RASL12: variants seen among roughly 807,000 people sequenced by gnomAD.
The protein encoded by RASL12 is ras-like protein family member 12.
A neutral mutation model predicts 22.9 loss-of-function variants in RASL12; 16 were observed. That is an observed-to-expected ratio of 0.70 (90% CI 0.47 to 1.06). The LOEUF (loss-of-function observed/expected upper bound fraction) is 1.06, where lower values mean the gene tolerates loss of function less well. RASL12 is among the 50% of genes least tolerant of loss of function. The pLI is 0.00. For synonymous variants in RASL12, 159 were observed against 152.2 expected (o/e 1.04, Z -0.33); for missense variants, 306 against 353.1 (o/e 0.87, Z 1.07).
chr15:65,075,325 G>A (rs1276797086), intron 1 of RASL12, among the ~76,000 whole-genome samples: 1 of 152,206 alleles, frequency 6.6e-6, no homozygotes, highest in African/African-American at 2.4e-5. Context: ...ATGGGCTCCT[G>A]TGCGGCCCGA....
At chr15:65,048,408 T>C (rs188984424), downstream of RASL12, among the ~76,000 whole-genome samples, 4 of 152,336 alleles carry the variant, frequency 2.6e-5, no homozygotes, top group Middle Eastern at 3.4e-3. Context: ...CTTTTGTTGA[T>C]ACTCCAATTT....
At chr15:65,046,515 A>G in the RASL12 span, among the ~76,000 whole-genome samples, 1 of 152,280 alleles carries the variant, frequency 6.6e-6, no homozygotes, top group African/African-American at 2.4e-5. Flanking sequence ...GGCATCTAAC[A>G]TAGCTGAGGA....
chr15:65,066,650 A>T (rs1427631375), intron 1 of RASL12, among the ~76,000 whole-genome samples: 1 of 152,220 alleles, frequency 6.6e-6, no homozygotes, highest in Non-Finnish European at 1.5e-5. Context: ...CACTGGCTAA[A>T]CGGTACCGGT....
chr15:65,069,137 G>A (rs566219745), upstream of RASL12, among the ~76,000 whole-genome samples: 3 of 152,362 alleles, frequency 2.0e-5, no homozygotes, highest in South Asian at 6.2e-4. Flanking sequence ...TGTGCAGGCA[G>A]GGCCCAGGGT....
chr15:65,075,368 G>A (rs185659176), intron 1 of RASL12, among the ~76,000 whole-genome samples: 2 of 152,328 alleles, frequency 1.3e-5, no homozygotes, highest in African/African-American at 4.8e-5. Flanking sequence ...CCTGCTCCAC[G>A]GTGCCCAGTC....
At chr15:65,065,635 G>A (rs576339227) in intron 1 of RASL12, among the ~76,000 whole-genome samples, 4 of 152,242 alleles carry the variant, frequency 2.6e-5, no homozygotes, top group South Asian at 2.1e-4. Context: ...CGCCCACCCC[G>A]GACAAGTCAC....
At chr15:65,063,913 G>T (rs1466607227) in intron 2 of RASL12, among the ~76,000 whole-genome samples, 2 of 152,176 alleles carry the variant, frequency 1.3e-5, no homozygotes. Context: ...GAGCGCAGGG[G>T]GTTTCCACTG....
chr15:65,050,836 C>CTTTTTTTTTTT (rs57404080), downstream of RASL12, among the ~76,000 whole-genome samples: 5 of 95,650 alleles, frequency 5.2e-5, no homozygotes, highest in Non-Finnish European at 5.6e-5. Flanking sequence ...TCTTCTTCTT[C>CTTTTTTTTTTT]TTTTTTTTTT....
Position 65,053,485 on chromosome 15 carries a change from GT to G in RASL12, c.*1413del. On this transcript the variant is annotated 3_prime_UTR_variant, in exon 5 of 5. Transcript: ENST00000220062. ...TGCAAAATCCGTAGCTGGCCTGTGG[GT>G]CGGGAAGCCTGTAGGACTGCAAGCA... The G allele has an allele frequency of 1.8e-6, 2 of 1,134,412 alleles. No homozygotes were observed. Among genetic ancestry groups the G allele is most frequent in the Non-Finnish European group, 2.2e-6 (2 of 923,024 alleles). 70.3% of individuals were successfully genotyped at this position (1,134,412 alleles called of 1,614,324 possible).
intron 1 of RASL12, among the ~76,000 whole-genome samples, 184 bp from the exon 2 acceptor site, chr15:65,065,457 C>T (rs574920021): frequency 2.0e-5 from 3 of 152,154 alleles, no homozygotes; most frequent in South Asian, 2.1e-4. Context: ...ACCAGAACTA[C>T]GGGGAGCCAA....
At chr15:65,053,049 A>C (rs147682812), downstream of RASL12, 108 of 1,613,958 alleles carry the variant, frequency 6.7e-5, no homozygotes, top group Non-Finnish European at 8.6e-5. Context: ...AGCCTAAACA[A>C]CCTAAGAGAA....
At position 65,054,807 on chromosome 15, in the gene RASL12, C is replaced by T. The variant is rs1303723143; in HGVS notation, c.*92G>A. The T allele has an allele frequency of 5.9e-6, 9 of 1,521,450 alleles. No individual in the cohort carries two copies. The Admixed American group carries it at 1.5e-4, about 25-fold the overall frequency. 94.2% of individuals were successfully genotyped at this position (1,521,450 alleles called of 1,614,324 possible). On this transcript the variant is annotated 3_prime_UTR_variant, in exon 5 of 5. Coordinates refer to ENST00000220062, the MANE Select transcript of RASL12 (RefSeq NM_016563.4). ...GGTGCTGGAGGCGGGGTCTGCTGTC[C>T]ATCAGACGGAAAGGCTGGTGGTGAG...
At chr15:65,069,563 G>A (rs2086916565), upstream of RASL12, among the ~76,000 whole-genome samples, 1 of 152,212 alleles carries the variant, frequency 6.6e-6, no homozygotes, top group Admixed American at 6.5e-5. Flanking sequence ...ATGCTGGGAT[G>A]TTACTTGACC....
chr15:65,065,154 G>A, intron 2 of RASL12, 63 bp downstream of exon 2: 3 of 1,532,010 alleles, frequency 2.0e-6, no homozygotes, highest in Non-Finnish European at 2.7e-6. Context: ...CCACGGGGTG[G>A]GTCCCAGGAG....
chr15:65,065,964 T>A lies in RASL12; in HGVS notation c.104-691A>T, dbSNP rs73472902. ...TAAAGCAAAGACCAGCCAACTACTA[T>A]ACTGGACCCTCAAAAAGTAATGTTC... On this transcript the variant is annotated intron_variant, in intron 1 of 4. Transcript: ENST00000220062. 2.6e-5 allele frequency among the ~76,000 whole-genome samples: 4 copies of A among 151,866 alleles called. No homozygotes were observed. In the East Asian group the frequency reaches 7.8e-4, roughly 30 times the overall value.
Position 65,055,390 on chromosome 15 carries a change from C to A in RASL12, c.426-116G>T, listed in dbSNP as rs920869851. 36 of 844,912 alleles carry A rather than the reference C, an allele frequency of 4.3e-5. No individual in the cohort carries two copies. In the African/African-American group the frequency reaches 5.8e-4, roughly 14 times the overall value. The allele number at this position is 844,912 out of a possible 1,614,324, so 52.3% of individuals were successfully genotyped here. Reference sequence around the variant, plus strand: ...GCTGGGTGGCCTGGGGTCATCTTCACCTCTCTGAGTCTCAGCGTTCTTATC... The same window carrying A: ...GCTGGGTGGCCTGGGGTCATCTTCAACTCTCTGAGTCTCAGCGTTCTTATC... On this transcript the variant is annotated intron_variant, in intron 4 of 4. Transcript: ENST00000220062.
chr15:65,050,000 G>A (rs777997805), downstream of RASL12: 1 of 1,550,366 alleles, frequency 6.5e-7, no homozygotes, highest in South Asian at 1.2e-5. Flanking sequence ...ACCAGGAGCA[G>A]GGGCATGGAG....
At chr15:65,073,626 G>A (rs940162061) in intron 1 of RASL12, among the ~76,000 whole-genome samples, 61 of 152,330 alleles carry the variant, frequency 4.0e-4, no homozygotes, top group Non-Finnish European at 4.4e-5. Context: ...TGGCCCCAGG[G>A]TTGGGGACCC....
intron 1 of RASL12, among the ~76,000 whole-genome samples, chr15:65,067,437 G>A (rs1299562302): frequency 6.6e-6 from 1 of 152,066 alleles, no homozygotes; most frequent in Admixed American, 6.6e-5. Flanking sequence ...AGAGAGAGGG[G>A]AGAGACAGCA....
Sources: gnomAD v4.1 joint callset for allele counts (sites outside exome capture counted in the v4.1 genomes callset) on GRCh38, gnomAD v4.1.1 for gene constraint, MANE v1.5 for transcripts, NCBI Gene and HGNC (gene_info 2026-07-23, HGNC 2026-07-21) for gene names.